The following DPRX variants were observed in gnomAD, a reference collection of about 807,000 sequenced individuals.
DPRX encodes divergent-paired related homeobox.
In DPRX, 11 loss-of-function variants were observed where a neutral mutation model predicts 8.4. The observed-to-expected ratio is 1.31, with a 90% CI of 0.82 to 2.17. The LOEUF is 2.17. Ranked by LOEUF, DPRX falls within the 30% of genes most tolerant of loss-of-function variation. The pLI, the probability that DPRX is intolerant of heterozygous loss-of-function variation, is 0.00. For missense variants in DPRX, 211 were observed against 236.7 expected (o/e 0.89, Z 0.71); for synonymous variants, 72 against 87.0 (o/e 0.83, Z 0.96).
chr19:53,635,484 G>C (rs1214977929), intron 2 of DPRX, among the ~76,000 whole-genome samples: 1 of 152,074 alleles, frequency 6.6e-6, no homozygotes, highest in East Asian at 1.9e-4. Context: ...GGGACTACAG[G>C]TGTGTGGTAC....
the DPRX span, among the ~76,000 whole-genome samples, chr19:53,610,362 T>A: frequency 0.17 from 25,612 of 151,512 alleles, 2,247 homozygotes; most frequent in South Asian, 0.27. Context: ...GATCCATGGG[T>A]GAGGGGTTGG....
the DPRX span, among the ~76,000 whole-genome samples, chr19:53,623,752 A>G: frequency 6.6e-6 from 1 of 152,102 alleles, no homozygotes; most frequent in Non-Finnish European, 1.5e-5. Context: ...GGAGTTTGAC[A>G]CCAGCCTGGC....
At chr19:53,603,769 A>G in the DPRX span, among the ~76,000 whole-genome samples, 21 of 132,166 alleles carry the variant, frequency 1.6e-4, no homozygotes, top group East Asian at 3.7e-3. Flanking sequence ...TTTGAGACGG[A>G]GTCTCACTCT....
chr19:53,634,828 C>T (rs955249750), intron 2 of DPRX, 143 bp downstream of exon 2: 6 of 1,199,370 alleles, frequency 5.0e-6, no homozygotes, highest in East Asian at 5.2e-5. Flanking sequence ...CCCCGTAAAC[C>T]TTTCTTCAAC....
chr19:53,632,550 C>A (rs1248507820), intron 1 of DPRX, among the ~76,000 whole-genome samples: 1 of 151,890 alleles, frequency 6.6e-6, no homozygotes, highest in East Asian at 1.9e-4. Flanking sequence ...ACCTTGTGAT[C>A]CGTCTGGCTC....
At chr19:53,632,579 G>A (rs1600570715) in intron 1 of DPRX, among the ~76,000 whole-genome samples, 1 of 152,036 alleles carries the variant, frequency 6.6e-6, no homozygotes, top group East Asian at 1.9e-4. Context: ...AAAGTGCTGG[G>A]GTGACAGGCG....
At chr19:53,632,744 G>A (rs893167742) in intron 1 of DPRX, among the ~76,000 whole-genome samples, 1 of 151,904 alleles carries the variant, frequency 6.6e-6, no homozygotes, top group African/African-American at 2.4e-5. Context: ...GTGCCCGGCC[G>A]CGGCTGTCAT....
At chr19:53,617,180 G>C in the DPRX span, 1 of 1,020,486 alleles carries the variant, frequency 9.8e-7, no homozygotes, top group South Asian at 1.3e-5. Context: ...CGTTGGATTC[G>C]TCTGTGTCCT....
At chr19:53,609,715 A>T in the DPRX span, among the ~76,000 whole-genome samples, 2 of 145,934 alleles carry the variant, frequency 1.4e-5, no homozygotes, top group South Asian at 4.3e-4. Flanking sequence ...AAAATCCAAA[A>T]ATTGGCTGGG....
At chr19:53,633,065 G>A (rs763549769) in intron 1 of DPRX, among the ~76,000 whole-genome samples, 3 of 152,152 alleles carry the variant, frequency 2.0e-5, no homozygotes, top group Admixed American at 6.6e-5. Context: ...GGAGGCCGAG[G>A]TGGGCAGATC....
upstream of DPRX, chr19:53,630,188 G>A (rs896341807): frequency 2.0e-5 from 3 of 151,542 alleles, no homozygotes; most frequent in African/African-American, 7.3e-5. Context: ...ACTCTAACCT[G>A]GGCGACAGAG....
At chr19:53,626,905 T>G in the DPRX span, among the ~76,000 whole-genome samples, 66 of 152,098 alleles carry the variant, frequency 4.3e-4, no homozygotes, top group Non-Finnish European at 7.5e-4. Flanking sequence ...TTTCACTATG[T>G]TGCCCAGGCT....
intron 2 of DPRX, 118 bp from the exon 3 acceptor site, chr19:53,636,476 AAG>A (rs2091112850): frequency 1.1e-6 from 1 of 871,344 alleles, no homozygotes; most frequent in African/African-American, 1.7e-5. Context: ...GGTTAAAAAA[AAG>A]AATATAAATA....
the DPRX span, among the ~76,000 whole-genome samples, chr19:53,623,066 GAGGC>G: frequency 1.4e-5 from 1 of 71,056 alleles, no homozygotes; most frequent in Non-Finnish European, 3.5e-5. Context: ...AGCACTTTGG[GAGGC>G]TGAGGCGGGC....
the DPRX span, chr19:53,603,383 G>T: frequency 2.2e-6 from 1 of 456,490 alleles, no homozygotes; most frequent in South Asian, 1.5e-5. Context: ...AGACGATGCG[G>T]CCCCATCTCG....
upstream of DPRX, among the ~76,000 whole-genome samples, chr19:53,628,343 A>G (rs1412519576): frequency 6.6e-6 from 1 of 152,182 alleles, no homozygotes; most frequent in African/African-American, 2.4e-5. Flanking sequence ...ACCCTGTCTC[A>G]AATATAATAA....
chr19:53,636,041 T>G (rs1486563752), intron 2 of DPRX, among the ~76,000 whole-genome samples: 1 of 152,186 alleles, frequency 6.6e-6, no homozygotes, highest in Non-Finnish European at 1.5e-5. Flanking sequence ...GCACTAGCTG[T>G]TCTCACCTAG....
At chr19:53,619,508 C>G in the DPRX span, among the ~76,000 whole-genome samples, 1 of 151,992 alleles carries the variant, frequency 6.6e-6, no homozygotes, top group East Asian at 1.9e-4. Context: ...AACCCTGTCT[C>G]TACTAAAAAT....
the DPRX span, among the ~76,000 whole-genome samples, chr19:53,623,307 A>AG: frequency 3.1e-4 from 36 of 116,920 alleles, no homozygotes; most frequent in Admixed American, 5.9e-4. Flanking sequence ...ACTCTGTCTC[A>AG]AAAAAATAAA....
Sources: gnomAD v4.1 joint callset for allele counts (sites outside exome capture counted in the v4.1 genomes callset) on GRCh38, gnomAD v4.1.1 for gene constraint, MANE v1.5 for transcripts, NCBI Gene and HGNC (gene_info 2026-07-23, HGNC 2026-07-21) for gene names.